Variants in ABCD4 observed in about 807,000 individuals in gnomAD.
The protein encoded by ABCD4 is lysosomal cobalamin transporter ABCD4.
In ABCD4, 53 loss-of-function variants were observed where a neutral mutation model predicts 86.3. That is an observed-to-expected ratio of 0.61 (90% CI 0.49 to 0.77). ABCD4 has a LOEUF of 0.77. Ranked by LOEUF, ABCD4 falls within the 30% of genes least tolerant of loss-of-function variation. The pLI is 0.00. For synonymous variants in ABCD4, 328 were observed against 313.6 expected, an observed-to-expected ratio of 1.05 and a Z score of -0.49; for missense variants, 757 against 764.5, an observed-to-expected ratio of 0.99 and a Z score of 0.12.
rs370581068 is a variant in ABCD4 at position 74,292,278 on chromosome 14, G to A, written c.1118+9C>T. 146 of 1,613,558 alleles carry A rather than the reference G, an allele frequency of 9.0e-5. 1 individual carries two copies. The African/African-American group carries it at 1.5e-3, about 16-fold the overall frequency. ...GCCTCAACTACTGCTCTGCCAGCCC[G>A]CTACTCACGTGTCCAAGCCCCACTC... On this transcript the variant is annotated intron_variant, in intron 11 of 18. Transcript: ENST00000356924.
Position 74,286,718 on chromosome 14 carries a change from G to C in ABCD4, c.1735C>G (p.Arg579Gly). The C allele has an allele frequency of 6.2e-7, 1 of 1,614,082 alleles. No individual in the cohort carries two copies. The change falls in exon 18 of 19, where the codon CGG becomes GGG. Residue 579 changes from arginine to glycine, a missense_variant. By Grantham distance (125) the Arg-to-Gly change is moderately radical. Transcript: ENST00000356924. ...LGMTFISVGH[R>G]QSLEKFHSLV... ...ACGGGTACCTTCTCAAGGCTCTGCC[G>C]ATGTCCCACACTGATGAACGTCATC...
chr14:74,289,389 C>A (rs2080821237), intron 14 of ABCD4, 94 bp downstream of exon 14: 1 of 1,551,656 alleles, frequency 6.4e-7, no homozygotes, highest in Admixed American at 2.1e-5. Context: ...CTGGCTGGAG[C>A]CTCTCCCCAA....
chr14:74,292,337 C>G lies in ABCD4; in HGVS notation c.1068G>C (p.Leu356=). The stretch of plus-strand genomic sequence containing the variant: ...CCAGGATCTCGCAGTCCTGTGACTT[C>G]AGGGACATGTCCAGAAGCGTCTCCC... ...QLRETLLDMS[L]KSQDCEILGE... is the part of the protein sequence containing the mutation. Residue 356 remains leucine, a synonymous_variant, in exon 11 of 19, where the codon CTG becomes CTC. Coordinates refer to ENST00000356924, the MANE Select transcript of ABCD4 (RefSeq NM_005050.4). 1.2e-6 allele frequency: 2 copies of G among 1,614,154 alleles called. No homozygotes were observed. The highest frequency in any genetic ancestry group is 1.7e-6 in the Non-Finnish European group (2 of 1,180,048).
At chr14:74,288,282 G>T in intron 15 of ABCD4, 23 bp from the exon 16 acceptor site, 1 of 1,600,534 alleles carries the variant, frequency 6.2e-7, no homozygotes, top group Non-Finnish European at 8.5e-7. Flanking sequence ...CAGAGGGCAG[G>T]ATGTCCATGA....
At position 74,297,786 on chromosome 14, in the gene ABCD4, G is replaced by A. The variant is rs562522638; in HGVS notation, c.425+144C>T. The stretch of plus-strand genomic sequence containing the variant: ...AGCTTCTCCAGGAGTCCTCTGCAGG[G>A]CACCCTCCCCCATGACTCTGGGCAG... On this transcript the variant is annotated intron_variant, in intron 4 of 18. Coordinates refer to ENST00000356924, the MANE Select transcript of ABCD4 (RefSeq NM_005050.4). 2.6e-4 allele frequency: 373 copies of A among 1,408,646 alleles called. 3 individuals are homozygous for A. In the East Asian group the frequency reaches 9.3e-3, roughly 35 times the overall value. 87.3% of individuals were successfully genotyped at this position (1,408,646 alleles called of 1,614,324 possible).
chr14:74,302,280 A>G (rs1287506445), intron 1 of ABCD4, among the ~76,000 whole-genome samples: 2 of 152,216 alleles, frequency 1.3e-5, no homozygotes, highest in Non-Finnish European at 2.9e-5. Flanking sequence ...TCAGAAGTGA[A>G]AACAAGATGA....
chr14:74,302,927 G>A lies in ABCD4; in HGVS notation c.-15C>T, dbSNP rs767417738. 1.1e-5 allele frequency: 17 copies of A among 1,607,100 alleles called. No homozygotes were observed. Among genetic ancestry groups the A allele is most frequent in the South Asian group, 3.3e-5 (3 of 89,930 alleles). ...GCGACCGCCATGACCTGAGACCCGA[G>A]GGACTCTGGAGCCCAGCTGCCCCTA... On this transcript the variant is annotated 5_prime_UTR_variant, in exon 1 of 19. Coordinates refer to ENST00000356924, the MANE Select transcript of ABCD4 (RefSeq NM_005050.4).
At position 74,297,930 on chromosome 14, in the gene ABCD4, G is replaced by C. The variant is rs747033918; in HGVS notation, c.425C>G (p.Pro142Arg). 1 of 1,612,818 alleles carries C rather than the reference G, an allele frequency of 6.2e-7. No individual in the cohort carries two copies. The highest frequency in any genetic ancestry group is 1.1e-5 in the South Asian group (1 of 90,974). The stretch of plus-strand genomic sequence containing the variant: ...GAAAGGACTGAGTTGGGGCGCCTAC[G>C]GGTTATCGATGTCATCCCGCAGCAC... ...LNVLRDDIDN[P>R]DQRISQDVER... Residue 142 changes from proline (P) to arginine (R), a missense_variant and splice_region_variant, in exon 4 of 19, where the codon CCG becomes CGG. By Grantham distance (103) the Pro-to-Arg change is moderately radical. Coordinates refer to ENST00000356924, the MANE Select transcript of ABCD4 (RefSeq NM_005050.4).
At chr14:74,292,260 C>T in intron 11 of ABCD4, 27 bp downstream of exon 11, 6 of 1,611,632 alleles carry the variant, frequency 3.7e-6, no homozygotes, top group Non-Finnish European at 5.1e-6. Context: ...GCAGCCTCAA[C>T]TACTGCTCTG....
chr14:74,291,371 T>C (rs1163957231), intron 11 of ABCD4, among the ~76,000 whole-genome samples: 1 of 152,194 alleles, frequency 6.6e-6, no homozygotes, highest in Non-Finnish European at 1.5e-5. Context: ...TCAAATATCA[T>C]CACAGATGAG....
intron 6 of ABCD4, 155 bp downstream of exon 6, chr14:74,295,699 C>A: frequency 1.0e-6 from 1 of 962,356 alleles, no homozygotes; most frequent in Non-Finnish European, 1.5e-6. Flanking sequence ...ACTTTAGAGA[C>A]AAGAACATTG....
At chr14:74,288,643 G>T in intron 15 of ABCD4, 73 bp downstream of exon 15, 1 of 1,544,854 alleles carries the variant, frequency 6.5e-7, no homozygotes, top group Non-Finnish European at 8.9e-7. Context: ...AGCATAGCAG[G>T]GCCAGCACCT....
At position 74,290,126 on chromosome 14, in the gene ABCD4, G is replaced by A. The variant is rs1376160190; in HGVS notation, c.1328-8C>T. On this transcript the variant is annotated splice_polypyrimidine_tract_variant and splice_region_variant and intron_variant, in intron 12 of 18. Coordinates refer to ENST00000356924, the MANE Select transcript of ABCD4 (RefSeq NM_005050.4). ...TCAGCATCTGCACTGAGCCTGCAGAGCCCACAGAAACCTCCATTGTGAGAT... is the reference window on the plus strand; with the variant it reads ...TCAGCATCTGCACTGAGCCTGCAGAACCCACAGAAACCTCCATTGTGAGAT... 2 of 1,613,972 alleles carry A rather than the reference G, an allele frequency of 1.2e-6. No homozygotes were observed. Among genetic ancestry groups the A allele is most frequent in the Non-Finnish European group, 1.7e-6 (2 of 1,179,978 alleles).
intron 18 of ABCD4, 26 bp downstream of exon 18, chr14:74,286,675 C>A: frequency 6.2e-7 from 1 of 1,613,944 alleles, no homozygotes; most frequent in Non-Finnish European, 8.5e-7. Flanking sequence ...TTCTCCTCCT[C>A]AGGCCATCCT....
At chr14:74,295,069 G>A (rs1006726564) in intron 7 of ABCD4, 79 bp downstream of exon 7, 2 of 1,546,356 alleles carry the variant, frequency 1.3e-6, no homozygotes, top group Non-Finnish European at 1.8e-6. Flanking sequence ...CGGTGGTGGT[G>A]GGAGGGTTGA....
chr14:74,297,344 C>T (rs1320408234), intron 4 of ABCD4: 1 of 152,110 alleles, frequency 6.6e-6, no homozygotes. Context: ...GGCTTGGTGA[C>T]TTTAAGAGTT....
intron 4 of ABCD4, chr14:74,296,779 T>C: frequency 4.2e-6 from 1 of 239,366 alleles, no homozygotes; most frequent in Non-Finnish European, 8.1e-6. Context: ...TTTTGGATGA[T>C]CAAGAAGACT....
rs150273861 is a variant in ABCD4, at chr14:74,286,720, T to A, written c.1733A>T (p.His578Leu). ...QLGMTFISVGHRQSLEKFHSL... is the reference protein window; with the variant it reads ...QLGMTFISVGLRQSLEKFHSL... ...GGGTACCTTCTCAAGGCTCTGCCGA[T>A]GTCCCACACTGATGAACGTCATCCC... Residue 578 changes from histidine (H) to leucine (L), a missense_variant, in exon 18 of 19, where the codon CAT becomes CTT. His to Leu is a moderately conservative substitution (Grantham distance 99). Coordinates refer to ENST00000356924, the MANE Select transcript of ABCD4 (RefSeq NM_005050.4). 6.2e-7 allele frequency: 1 copy of A among 1,614,042 alleles called. No homozygotes were observed. The highest frequency in any genetic ancestry group is 1.3e-5 in the African/African-American group (1 of 74,946).
rs762436062 is a variant in ABCD4, at chr14:74,297,953, C to G, written c.402G>C (p.Val134=). 1.9e-6 allele frequency: 3 copies of G among 1,613,602 alleles called. No individual in the cohort carries two copies. The South Asian group carries it at 3.3e-5, about 18-fold the overall frequency. ...FRGRAYYTLN[V]LRDDIDNPDQ... is the part of the protein sequence containing the mutation. ...ACGGGTTATCGATGTCATCCCGCAG[C>G]ACGTTGAGGGTGTAGTACGCACGGC... The change falls in exon 4 of 19, where the codon GTG becomes GTC. Residue 134 remains valine, a synonymous_variant. Coordinates refer to ENST00000356924, the MANE Select transcript of ABCD4 (RefSeq NM_005050.4).
Sources: gnomAD v4.1 joint callset for allele counts (sites outside exome capture counted in the v4.1 genomes callset) on GRCh38, gnomAD v4.1.1 for gene constraint, MANE v1.5 for transcripts, NCBI Gene and HGNC (gene_info 2026-07-23, HGNC 2026-07-21) for gene names.